IMMP2L: variants seen among roughly 807,000 people sequenced by gnomAD.
The protein encoded by IMMP2L is inner mitochondrial membrane peptidase subunit 2, also known as mitochondrial inner membrane protease subunit 2.
A neutral mutation model predicts 19.3 loss-of-function variants in IMMP2L; 18 were observed. The ratio of observed to expected loss-of-function variants is 0.93; its 90% CI spans 0.64 to 1.38. IMMP2L has a LOEUF of 1.38. Among genes scored for constraint, IMMP2L ranks in the 40% most tolerant of loss-of-function variants. The pLI is 0.00. For missense variants in IMMP2L, 233 were observed against 218.2 expected, an observed-to-expected ratio of 1.07 and a Z score of -0.43; for synonymous variants, 76 against 73.0, an observed-to-expected ratio of 1.04 and a Z score of -0.21.
At chr7:111,125,501 G>A (rs2129590909) in intron 3 of IMMP2L, 1 of 166,394 alleles carries the variant, frequency 6.0e-6, no homozygotes, top group East Asian at 1.9e-4. Context: ...TTTAAAAGGT[G>A]TTTTTCTATA....
chr7:110,832,476 C>G (rs1225701111), intron 5 of IMMP2L, among the ~76,000 whole-genome samples: 2 of 152,164 alleles, frequency 1.3e-5, no homozygotes, highest in Non-Finnish European at 2.9e-5. Context: ...AGCTGACAAG[C>G]CTGCCTTCCC....
intron 3 of IMMP2L, among the ~76,000 whole-genome samples, chr7:110,978,192 T>A (rs1041384170): frequency 6.6e-6 from 1 of 152,032 alleles, no homozygotes; most frequent in Non-Finnish European, 1.5e-5. Context: ...GTCCACTACT[T>A]AGTCTCATAT....
chr7:110,995,171 A>G (rs891194775), intron 3 of IMMP2L, among the ~76,000 whole-genome samples: 4 of 152,110 alleles, frequency 2.6e-5, no homozygotes, highest in Admixed American at 2.0e-4. Flanking sequence ...CAGAAGCTAT[A>G]ATCCCAATGC....
intron 3 of IMMP2L, among the ~76,000 whole-genome samples, chr7:111,120,783 G>A (rs1800501776): frequency 6.6e-6 from 1 of 152,078 alleles, no homozygotes; most frequent in African/African-American, 2.4e-5. Context: ...ATGGGAAACA[G>A]CTAATACCAC....
At chr7:110,844,452 G>A (rs1245804391) in intron 5 of IMMP2L, among the ~76,000 whole-genome samples, 2 of 151,640 alleles carry the variant, frequency 1.3e-5, no homozygotes, top group East Asian at 1.9e-4. Context: ...GTATGAAATG[G>A]AAACCAAAAA....
At chr7:111,421,267 C>CTTTTTTTTTTT (rs1227013257) in intron 3 of IMMP2L, among the ~76,000 whole-genome samples, 6 of 122,910 alleles carry the variant, frequency 4.9e-5, no homozygotes, top group Admixed American at 8.3e-5. Context: ...TTGTTTTTTT[C>CTTTTTTTTTTT]TTTTTTTTTT....
chr7:111,033,701 T>C (rs1317374240), intron 3 of IMMP2L, among the ~76,000 whole-genome samples: 1 of 152,194 alleles, frequency 6.6e-6, no homozygotes, highest in Middle Eastern at 3.2e-3. Flanking sequence ...CTTAGTGAAA[T>C]ATGGCAATCT....
At chr7:111,352,801 T>G (rs1162897069) in intron 3 of IMMP2L, among the ~76,000 whole-genome samples, 1 of 152,128 alleles carries the variant, frequency 6.6e-6, no homozygotes, top group Admixed American at 6.6e-5. Context: ...AGCATTTGTG[T>G]GATCGGGTTT....
At chr7:111,154,978 G>A (rs1373090188) in intron 3 of IMMP2L, among the ~76,000 whole-genome samples, 1 of 151,882 alleles carries the variant, frequency 6.6e-6, no homozygotes, top group East Asian at 1.9e-4. Flanking sequence ...GGTTGGTCTC[G>A]AACTCCTGGA....
At chr7:111,482,423 G>A (rs1842270454) in intron 3 of IMMP2L, among the ~76,000 whole-genome samples, 1 of 152,132 alleles carries the variant, frequency 6.6e-6, no homozygotes, top group African/African-American at 2.4e-5. Flanking sequence ...GCTCAATACA[G>A]TGAAATCTGT....
At chr7:110,866,610 T>C (rs1315932622) in intron 5 of IMMP2L, among the ~76,000 whole-genome samples, 2 of 152,082 alleles carry the variant, frequency 1.3e-5, no homozygotes, top group Non-Finnish European at 2.9e-5. Flanking sequence ...CTCCCTAAAA[T>C]GACAATTTGT....
intron 3 of IMMP2L, among the ~76,000 whole-genome samples, chr7:111,378,482 T>C (rs1563120177): frequency 6.6e-6 from 1 of 152,006 alleles, no homozygotes; most frequent in Non-Finnish European, 1.5e-5. Context: ...CTAAATCTTA[T>C]TATCTAAATT....
intron 5 of IMMP2L, among the ~76,000 whole-genome samples, chr7:110,674,595 A>T (rs952561607): frequency 6.6e-6 from 1 of 152,234 alleles, no homozygotes; most frequent in Non-Finnish European, 1.5e-5. Context: ...CAGTCAGATG[A>T]TATTTATTCT....
At chr7:111,311,768 A>G (rs1823546721) in intron 3 of IMMP2L, among the ~76,000 whole-genome samples, 2 of 152,092 alleles carry the variant, frequency 1.3e-5, no homozygotes, top group Admixed American at 6.6e-5. Flanking sequence ...GTGATATTTC[A>G]GCCACCATCA....
chr7:111,553,509 T>C (rs1190796445), intron 1 of IMMP2L, among the ~76,000 whole-genome samples: 1 of 152,174 alleles, frequency 6.6e-6, no homozygotes, highest in African/African-American at 2.4e-5. Context: ...ATGGCTATTT[T>C]TAATGTGCAT....
At chr7:111,231,568 A>G (rs1386901298) in intron 3 of IMMP2L, among the ~76,000 whole-genome samples, 1 of 151,824 alleles carries the variant, frequency 6.6e-6, no homozygotes, top group African/African-American at 2.4e-5. Flanking sequence ...CTCTCATACC[A>G]GTTGTCAACT....
intron 3 of IMMP2L, among the ~76,000 whole-genome samples, chr7:111,384,054 G>T (rs1831466735): frequency 6.6e-6 from 1 of 151,968 alleles, no homozygotes; most frequent in Non-Finnish European, 1.5e-5. Context: ...TGAGGTGGGG[G>T]AAACATTTGA....
chr7:110,805,877 C>CTATATATATAGCAT (rs1801597210), intron 5 of IMMP2L, among the ~76,000 whole-genome samples: 2 of 151,868 alleles, frequency 1.3e-5, no homozygotes, highest in East Asian at 3.9e-4. Context: ...GGGTATAATG[C>CTATATATATAGCAT]TATACCCCAA....
At chr7:110,734,172 G>A (rs1490467126) in intron 5 of IMMP2L, among the ~76,000 whole-genome samples, 1 of 152,192 alleles carries the variant, frequency 6.6e-6, no homozygotes, top group African/African-American at 2.4e-5. Context: ...ATACTGGTGA[G>A]AGCTCAAAGA....
Sources: gnomAD v4.1 joint callset for allele counts (sites outside exome capture counted in the v4.1 genomes callset) on GRCh38, gnomAD v4.1.1 for gene constraint, MANE v1.5 for transcripts, NCBI Gene and HGNC (gene_info 2026-07-23, HGNC 2026-07-21) for gene names.